The following TUBGCP3 variants were observed in gnomAD, a reference collection of about 807,000 sequenced individuals.
The protein encoded by TUBGCP3 is tubulin gamma complex component 3.
A neutral mutation model predicts 123.1 loss-of-function variants in TUBGCP3; 50 were observed. The ratio of observed to expected loss-of-function variants is 0.41; its 90% CI spans 0.32 to 0.51. TUBGCP3 has a LOEUF of 0.51. Among genes scored for constraint, TUBGCP3 ranks in the 20% least tolerant of loss-of-function variants. The probability of loss-of-function intolerance (pLI) is 0.36; values close to 1 mark genes in which losing one functional copy is unlikely to be tolerated. For missense variants in TUBGCP3, 882 were observed against 1,127.0 expected (o/e 0.78, Z 3.11); for synonymous variants, 405 against 413.9 (o/e 0.98, Z 0.26).
chr13:112,495,210 T>C (rs866132939), intron 20 of TUBGCP3, among the ~76,000 whole-genome samples: 2 of 152,240 alleles, frequency 1.3e-5, no homozygotes, highest in Non-Finnish European at 2.9e-5. Context: ...TAGATTTAAG[T>C]CTTTAATCCA....
chr13:112,590,409 T>C (rs908003973), upstream of TUBGCP3, among the ~76,000 whole-genome samples: 1 of 152,166 alleles, frequency 6.6e-6, no homozygotes, highest in African/African-American at 2.4e-5. Flanking sequence ...CAGGGCTGTC[T>C]TCCCAGAATA....
chr13:112,598,672 C>G, the TUBGCP3 span, among the ~76,000 whole-genome samples: 1 of 152,020 alleles, frequency 6.6e-6, no homozygotes, highest in African/African-American at 2.4e-5. Context: ...TCGCCGGGTA[C>G]GGTGGCTCAT....
intron 3 of TUBGCP3, among the ~76,000 whole-genome samples, chr13:112,559,709 TATA>T (rs1247923275): frequency 3.3e-5 from 5 of 152,230 alleles, no homozygotes; most frequent in Non-Finnish European, 7.3e-5. Context: ...AAATAATTCT[TATA>T]ATGTCCCCAA....
At chr13:112,569,838 T>G (rs894616728) in intron 1 of TUBGCP3, among the ~76,000 whole-genome samples, 1 of 151,972 alleles carries the variant, frequency 6.6e-6, no homozygotes, top group Non-Finnish European at 1.5e-5. Context: ...TCAAAAAATG[T>G]GAGAAGCTGG....
At chr13:112,553,354 A>G (rs972286306) in intron 8 of TUBGCP3, among the ~76,000 whole-genome samples, 2 of 152,270 alleles carry the variant, frequency 1.3e-5, no homozygotes, top group African/African-American at 4.8e-5. Context: ...CTGAGCTTAT[A>G]GTACACAGTT....
At chr13:112,505,862 C>T (rs1222760900) in intron 17 of TUBGCP3, among the ~76,000 whole-genome samples, 2 of 152,164 alleles carry the variant, frequency 1.3e-5, no homozygotes, top group Non-Finnish European at 2.9e-5. Context: ...GCGCCGTGCA[C>T]TTGGGAAAGG....
chr13:112,526,533 CCAT>C (rs1056709532), intron 13 of TUBGCP3, among the ~76,000 whole-genome samples: 32 of 151,638 alleles, frequency 2.1e-4, no homozygotes, highest in African/African-American at 6.0e-4. Flanking sequence ...CACCACCATG[CCAT>C]CATCACCACC....
chr13:112,588,738 T>C (rs894333389), upstream of TUBGCP3, among the ~76,000 whole-genome samples: 3 of 152,118 alleles, frequency 2.0e-5, no homozygotes, highest in African/African-American at 7.2e-5. Flanking sequence ...GTGCAATCGT[T>C]AAAGCTTACA....
At chr13:112,547,833 A>C in intron 9 of TUBGCP3, 81 bp from the exon 10 acceptor site, 1 of 1,341,706 alleles carries the variant, frequency 7.5e-7, no homozygotes, top group Non-Finnish European at 9.7e-7. Flanking sequence ...AAGTGAACAT[A>C]AGAAAATGAT....
At position 112,516,562 on chromosome 13, in the gene TUBGCP3, T is replaced by C; in HGVS notation, c.1964A>G (p.Glu655Gly). 1 of 1,613,430 alleles carries C rather than the reference T, an allele frequency of 6.2e-7. No homozygotes were observed. The highest frequency in any genetic ancestry group is 1.1e-5 in the South Asian group (1 of 90,944). ...TACTCTTAGGTAGTGGCTCATACAT[T>C]CTCGAGTAAACACCTGGGATAACAG... ...DGPIATVFTR[E>G]CMSHYLRVFN... The change falls in exon 17 of 22, where the codon GAA becomes GGA. Residue 655 changes from glutamate (E) to glycine (G), a missense_variant. By Grantham distance (98) the Glu-to-Gly change is moderately conservative (BLOSUM62 -2). Around this residue, in one of 3 missense-constraint regions of TUBGCP3, gnomAD observed 713 missense variants for 874.0 expected, o/e 0.82. Transcript: ENST00000261965.
rs753987918 is a variant in TUBGCP3 at position 112,511,436 on chromosome 13, A to C, written c.2086+5004T>G. Among the ~76,000 whole-genome samples the C allele has an allele frequency of 6.6e-6, 1 of 152,168 alleles. No individual in the cohort carries two copies. The highest frequency in any genetic ancestry group is 2.4e-5 in the African/African-American group (1 of 41,444). ...ACAGCAACTTTTCATTTCAAAATAG[A>C]GCCAGGGTGGATCCAGGGTGTAATC... On this transcript the variant is annotated intron_variant, in intron 17 of 21. Coordinates refer to ENST00000261965, the MANE Select transcript of TUBGCP3 (RefSeq NM_006322.6). This position sits in a 1 kb window ranked among gnomAD's most constrained non-coding sequence, Gnocchi z 4.1.
At chr13:112,566,698 G>A (rs1880974999) in intron 2 of TUBGCP3, among the ~76,000 whole-genome samples, 1 of 152,060 alleles carries the variant, frequency 6.6e-6, no homozygotes, top group South Asian at 2.1e-4. Context: ...AATGAGATTG[G>A]CACTAATTCA....
intron 20 of TUBGCP3, among the ~76,000 whole-genome samples, chr13:112,496,639 G>A (rs1880543910): frequency 6.6e-6 from 1 of 152,172 alleles, no homozygotes; most frequent in African/African-American, 2.4e-5. Flanking sequence ...AACTGCCCAA[G>A]AGAACCTTCC....
At chr13:112,512,776 T>C (rs934366554) in intron 17 of TUBGCP3, among the ~76,000 whole-genome samples, 1 of 152,202 alleles carries the variant, frequency 6.6e-6, no homozygotes, top group African/African-American at 2.4e-5. Flanking sequence ...CACTGTTCCC[T>C]GAGAACTTCA....
At chr13:112,497,733 C>T (rs1211382346) in intron 20 of TUBGCP3, among the ~76,000 whole-genome samples, 2 of 152,124 alleles carry the variant, frequency 1.3e-5, no homozygotes, top group East Asian at 1.9e-4. Flanking sequence ...ATCTGGGCAG[C>T]GTGTGACTGT....
intron 20 of TUBGCP3, among the ~76,000 whole-genome samples, chr13:112,494,869 C>G (rs1880422908): frequency 6.6e-6 from 1 of 152,232 alleles, no homozygotes; most frequent in Admixed American, 6.5e-5. Context: ...GCATTGTCTT[C>G]TTTCGAGAAA....
chr13:112,487,053 A>ATGTGTATG (rs1555335839), intron 21 of TUBGCP3, among the ~76,000 whole-genome samples: 22 of 147,410 alleles, frequency 1.5e-4, no homozygotes, highest in African/African-American at 5.3e-4. Flanking sequence ...AACACTGTGT[A>ATGTGTATG]TGTGTGTGTG....
chr13:112,545,588 G>C lies in TUBGCP3; in HGVS notation c.1335+111C>G. ...GTATATGGTATTCAATGGAAGTGCAGTTGCATTCCTGTTAGGAGAACATGG... is the reference window on the plus strand; with the variant it reads ...GTATATGGTATTCAATGGAAGTGCACTTGCATTCCTGTTAGGAGAACATGG... On this transcript the variant is annotated intron_variant, in intron 11 of 21. Transcript: ENST00000261965. This position sits in a 1 kb window ranked among gnomAD's most constrained non-coding sequence, Gnocchi z 4.1. The C allele has an allele frequency of 7.9e-7, 1 of 1,269,304 alleles. No homozygotes were observed. Among genetic ancestry groups the C allele is most frequent in the Non-Finnish European group, 1.1e-6 (1 of 890,530 alleles). The allele number at this position is 1,269,304 out of a possible 1,614,324, so 78.6% of individuals were successfully genotyped here.
chr13:112,525,860 C>T (rs1647302685), intron 13 of TUBGCP3, among the ~76,000 whole-genome samples: 1 of 152,188 alleles, frequency 6.6e-6, no homozygotes, highest in African/African-American at 2.4e-5. Flanking sequence ...CATTTTAAAA[C>T]AGCTATACCT....
Sources: gnomAD v4.1 joint callset for allele counts (sites outside exome capture counted in the v4.1 genomes callset) on GRCh38, gnomAD v4.1.1 for gene constraint, gnomAD v4.1.1 regional missense constraint, Gnocchi (gnomAD v3.1) non-coding constraint, MANE v1.5 for transcripts, NCBI Gene and HGNC (gene_info 2026-07-23, HGNC 2026-07-21) for gene names.